The following C5 variants were observed in gnomAD, a reference collection of about 807,000 sequenced individuals.
C5 encodes C3 and PZP-like alpha-2-macroglobulin domain-containing protein 4.
A neutral mutation model predicts 218.8 loss-of-function variants in C5; 140 were observed. That is an observed-to-expected ratio of 0.64 (90% CI 0.56 to 0.74). C5 has a LOEUF of 0.74. C5 is among the 30% of genes least tolerant of loss of function. The probability of loss-of-function intolerance (pLI) is 0.00; values close to 1 mark genes in which losing one functional copy is unlikely to be tolerated. For missense variants in C5, 1,700 were observed against 1,969.6 expected, an observed-to-expected ratio of 0.86 and a Z score of 2.59; for synonymous variants, 614 against 682.3, an observed-to-expected ratio of 0.90 and a Z score of 1.56.
intron 8 of C5, 180 bp from the exon 9 acceptor site, chr9:121,025,760 T>C: frequency 1.8e-6 from 1 of 560,472 alleles, no homozygotes; most frequent in Non-Finnish European, 3.1e-6. Flanking sequence ...TTCTAATTAT[T>C]TGTATAGAAT....
chr9:121,015,659 A>G (rs1015524880), intron 15 of C5, among the ~76,000 whole-genome samples: 1 of 152,196 alleles, frequency 6.6e-6, no homozygotes. Context: ...ATAATTATGA[A>G]CAATTTTAAA....
At chr9:121,013,654 G>A (rs2047281598) in intron 17 of C5, among the ~76,000 whole-genome samples, 1 of 152,122 alleles carries the variant, frequency 6.6e-6, no homozygotes, top group Non-Finnish European at 1.5e-5. Flanking sequence ...TGGCTTTAAG[G>A]TTATGCCAGG....
the C5 span, among the ~76,000 whole-genome samples, chr9:121,060,913 C>T: frequency 6.6e-6 from 1 of 152,116 alleles, no homozygotes; most frequent in African/African-American, 2.4e-5. Flanking sequence ...TCAGGTCGGG[C>T]GAAGTGGCTC....
chr9:120,958,374 C>T (rs1050665116), intron 38 of C5, among the ~76,000 whole-genome samples: 1 of 152,164 alleles, frequency 6.6e-6, no homozygotes, highest in African/African-American at 2.4e-5. Context: ...CTTGAAACAA[C>T]ACAATAAACC....
rs1053001527 is a variant in C5 at position 120,989,268 on chromosome 9, G to A, written c.3155-147C>T. The A allele has an allele frequency of 1.4e-5, 10 of 734,886 alleles. No homozygotes were observed. In the African/African-American group the frequency reaches 1.6e-4, roughly 12 times the overall value. The allele number at this position is 734,886 out of a possible 1,614,324, so 45.5% of individuals were successfully genotyped here. A position where few individuals can be genotyped will look rare whatever the true frequency, so the allele number is the denominator to read the frequency against. On this transcript the variant is annotated intron_variant, in intron 24 of 40. Coordinates refer to ENST00000223642, the MANE Select transcript of C5 (RefSeq NM_001735.3). Reference sequence around the variant, plus strand: ...GTGGCCAGCATTGAACTTCTCAAAGGAAGTATATGAATTGCTCGAATTGGG... The same window carrying A: ...GTGGCCAGCATTGAACTTCTCAAAGAAAGTATATGAATTGCTCGAATTGGG...
In C5 at chr9:121,008,504, CA is replaced by C; in HGVS notation, c.2258-7del. 25 of 1,593,522 alleles carry C rather than the reference CA, an allele frequency of 1.6e-5. No individual in the cohort carries two copies. The highest frequency in any genetic ancestry group is 2.1e-5 in the Non-Finnish European group (24 of 1,161,590). On this transcript the variant is annotated splice_polypyrimidine_tract_variant and splice_region_variant and intron_variant, in intron 17 of 40. Transcript: ENST00000223642. ...TGGTAACAGGGTCTTCATGTCTGGA[CA>C]AAAAAATCATATTCAATTATGGAAA...
chr9:121,029,231 T>A (rs955383689), intron 7 of C5, among the ~76,000 whole-genome samples: 1 of 152,242 alleles, frequency 6.6e-6, no homozygotes, highest in Admixed American at 6.5e-5. Context: ...TCAGTTTCTA[T>A]AATTTTCTCT....
chr9:121,024,720 C>T (rs1291201970), intron 9 of C5, among the ~76,000 whole-genome samples: 1 of 152,162 alleles, frequency 6.6e-6, no homozygotes, highest in Non-Finnish European at 1.5e-5. Flanking sequence ...CATCTAGAAG[C>T]TCACCTTCCT....
chr9:120,956,202 G>A (rs925751335), intron 39 of C5, among the ~76,000 whole-genome samples: 4 of 152,110 alleles, frequency 2.6e-5, no homozygotes, highest in African/African-American at 9.7e-5. Flanking sequence ...GCTGAGGCAG[G>A]AGAATCACTT....
At chr9:121,032,074 A>T (rs535318145) in intron 6 of C5, 39 bp downstream of exon 6, 1 of 1,340,534 alleles carries the variant, frequency 7.5e-7, no homozygotes, top group Non-Finnish European at 1.1e-6. Context: ...AAAACAAAAA[A>T]CAAAAAGCAA....
chr9:121,054,150 G>A (rs116072097), upstream of C5, among the ~76,000 whole-genome samples: 1,519 of 152,158 alleles, frequency 1.0e-2, 30 homozygotes, highest in African/African-American at 0.035. Context: ...TTGGAGTTTA[G>A]GCACAACTGA....
At chr9:121,057,019 T>C in the C5 span, among the ~76,000 whole-genome samples, 6 of 152,144 alleles carry the variant, frequency 3.9e-5, no homozygotes, top group African/African-American at 1.4e-4. Context: ...AAAGGAGCTC[T>C]AATACATCTG....
chr9:120,961,535 G>A lies in C5; in HGVS notation c.4535C>T (p.Ser1512Phe). 1.2e-6 allele frequency: 2 copies of A among 1,612,940 alleles called. No individual in the cohort carries two copies. The highest frequency in any genetic ancestry group is 1.7e-6 in the Non-Finnish European group (2 of 1,178,960). Residue 1512 changes from serine (S) to phenylalanine (F), a missense_variant, in exon 37 of 41, where the codon TCC (serine) becomes TTC (phenylalanine). By Grantham distance (155) the Ser-to-Phe change is radical. Coordinates refer to ENST00000223642, the MANE Select transcript of C5 (RefSeq NM_001735.3). ...DKQCTMFYST[S>F]NIKIQKVCEG... ...ACAGACTTTCTGAATTTTGATATTG[G>A]AAGTGCTATAAAACATGGTACACTG...
At chr9:120,977,232 T>C (rs1294437001) in intron 28 of C5, among the ~76,000 whole-genome samples, 1 of 152,170 alleles carries the variant, frequency 6.6e-6, no homozygotes, top group Non-Finnish European at 1.5e-5. Context: ...AGTCAAAACT[T>C]TGTTTCATGC....
In C5 at chr9:120,961,486, T is replaced by C. The variant is rs1239349217; in HGVS notation, c.4584A>G (p.Val1528=). ...KVCEGAACKC[V]EADCGQMQEE... Reference sequence around the variant, plus strand: ...AATATGTTAAATAAAGTTTACCTTCTACACACTTGCACGCGGCTCCTTCAC... The same window carrying C: ...AATATGTTAAATAAAGTTTACCTTCCACACACTTGCACGCGGCTCCTTCAC... The change falls in exon 37 of 41, where the codon GTA becomes GTG. Residue 1528 remains valine, a synonymous_variant. Coordinates refer to ENST00000223642, the MANE Select transcript of C5 (RefSeq NM_001735.3). 6.2e-7 allele frequency: 1 copy of C among 1,603,806 alleles called. No homozygotes were observed. The highest frequency in any genetic ancestry group is 8.5e-7 in the Non-Finnish European group (1 of 1,170,692).
the C5 span, among the ~76,000 whole-genome samples, chr9:121,063,103 C>T: frequency 6.6e-6 from 1 of 151,482 alleles, no homozygotes; most frequent in East Asian, 1.9e-4. Context: ...GAACTCTCTT[C>T]ATGCATATGT....
At chr9:121,033,010 ATGGGTG>A (rs1371890049) in intron 5 of C5, among the ~76,000 whole-genome samples, 13 of 35,136 alleles carry the variant, frequency 3.7e-4, no homozygotes, top group African/African-American at 4.9e-4. Flanking sequence ...CAAAAAAACT[ATGGGTG>A]TGTGTGTGTG....
chr9:120,960,041 C>G (rs532110477), intron 38 of C5, among the ~76,000 whole-genome samples: 3 of 152,004 alleles, frequency 2.0e-5, no homozygotes, highest in African/African-American at 7.3e-5. Context: ...CATGTCACTT[C>G]TATTATTTAT....
In C5 at chr9:120,957,313, C is replaced by G; in HGVS notation, c.4734G>C (p.Lys1578Asn). Residue 1578 changes from lysine to asparagine, a missense_variant, in exon 39 of 41, where the codon AAG becomes AAC. Lys to Asn is a moderately conservative substitution (Grantham distance 94). Transcript: ENST00000223642. ...TTTTGTAGATATCCAGAAGGGTTGC[C>G]TTGTACTTGACAAAAACATTTTCTA... ...ITVENVFVKY[K>N]ATLLDIYKTG... 1 of 1,612,820 alleles carries G rather than the reference C, an allele frequency of 6.2e-7. No individual in the cohort carries two copies. Among genetic ancestry groups the G allele is most frequent in the Non-Finnish European group, 8.5e-7 (1 of 1,179,120 alleles).
Sources: gnomAD v4.1 joint callset for allele counts (sites outside exome capture counted in the v4.1 genomes callset) on GRCh38, gnomAD v4.1.1 for gene constraint, MANE v1.5 for transcripts, NCBI Gene and HGNC (gene_info 2026-07-23, HGNC 2026-07-21) for gene names.